Variants in ITGA9 observed in about 807,000 individuals in gnomAD.
ITGA9 encodes integrin alpha-9.
Under a neutral mutation model 127.8 loss-of-function variants are expected in ITGA9, and 56 were observed. The ratio of observed to expected loss-of-function variants is 0.44; its 90% CI spans 0.35 to 0.55. The LOEUF (loss-of-function observed/expected upper bound fraction) is 0.55, where lower values mean the gene tolerates loss of function less well. ITGA9 is among the 20% of genes least tolerant of loss of function. ITGA9 has a pLI of 0.00. For synonymous variants in ITGA9, 508 were observed against 514.5 expected (o/e 0.99, Z 0.17); for missense variants, 1,196 against 1,347.1 (o/e 0.89, Z 1.76).
chr3:37,531,880 A>G (rs9864488), intron 13 of ITGA9, among the ~76,000 whole-genome samples: 6,139 of 152,246 alleles, frequency 0.04, 397 homozygotes, highest in African/African-American at 0.14. Context: ...AGTGGGGGCC[A>G]GAGGTGTGTG....
chr3:37,802,443 A>G (rs1697246747), intron 26 of ITGA9, among the ~76,000 whole-genome samples: 3 of 152,160 alleles, frequency 2.0e-5, no homozygotes. Context: ...GACTTTCCCA[A>G]AGGGGAATGG....
At chr3:37,570,475 A>G (rs1575153599) in intron 15 of ITGA9, among the ~76,000 whole-genome samples, 1 of 152,220 alleles carries the variant, frequency 6.6e-6, no homozygotes. Flanking sequence ...TGTGTCTAGC[A>G]GGTGGCTTCC....
intron 23 of ITGA9, among the ~76,000 whole-genome samples, chr3:37,771,317 G>A (rs759418739): frequency 2.2e-4 from 33 of 152,236 alleles, no homozygotes; most frequent in South Asian, 1.0e-3. Context: ...TTAAAACCAA[G>A]TTGTGGGAGG....
rs1559524613 is a variant in ITGA9 at position 37,512,052 on chromosome 3, CTTT to C, written c.898-1710_898-1708del. ...TCTTTCTTTCTTTCTTTCTTTCTTT[CTTT>C]CTTTCTTTCTTTCTTTCTTTCCTTC... On this transcript the variant is annotated intron_variant, in intron 8 of 27. Coordinates refer to ENST00000264741, the MANE Select transcript of ITGA9 (RefSeq NM_002207.3). Among the ~76,000 whole-genome samples the C allele has an allele frequency of 9.5e-4, 40 of 42,162 alleles. 1 individual carries two copies. The highest frequency in any genetic ancestry group is 4.5e-3 in the East Asian group (6 of 1,336). 27.7% of individuals were successfully genotyped at this position (42,162 alleles called of 152,430 possible).
chr3:37,503,129 T>C (rs1698805133), intron 5 of ITGA9, 49 bp from the exon 6 acceptor site: 1 of 1,608,634 alleles, frequency 6.2e-7, no homozygotes. Flanking sequence ...ATTCCCCTCC[T>C]CCCCTCCTCA....
intron 18 of ITGA9, among the ~76,000 whole-genome samples, chr3:37,693,506 G>A (rs1352813925): frequency 6.6e-6 from 1 of 152,118 alleles, no homozygotes; most frequent in Non-Finnish European, 1.5e-5. Context: ...CAGAAAGGGT[G>A]GTCCCTTTCT....
intron 18 of ITGA9, among the ~76,000 whole-genome samples, chr3:37,700,349 A>G (rs1177392695): frequency 1.3e-5 from 2 of 151,270 alleles, no homozygotes; most frequent in Admixed American, 6.6e-5. Context: ...AGGTTTCTAC[A>G]TATAATATGC....
chr3:37,452,756 G>C lies in ITGA9; in HGVS notation c.185+197G>C, dbSNP rs1698209637. Reference sequence around the variant, plus strand: ...ACGCCGTCCGGGGCCCGCTAAGGTCGGGGTCGGCGCCTGGAGGCGGGCGGG... The same window carrying C: ...ACGCCGTCCGGGGCCCGCTAAGGTCCGGGTCGGCGCCTGGAGGCGGGCGGG... On this transcript the variant is annotated intron_variant, in intron 1 of 27. Coordinates refer to ENST00000264741, the MANE Select transcript of ITGA9 (RefSeq NM_002207.3). The surrounding 1 kb of genome is among the most constrained non-coding windows in gnomAD (Gnocchi z 7.3). Among the ~76,000 whole-genome samples, 2 of 152,226 alleles carry C rather than the reference G, an allele frequency of 1.3e-5. No homozygotes were observed. Among genetic ancestry groups the C allele is most frequent in the South Asian group, 4.1e-4 (2 of 4,828 alleles).
At chr3:37,701,279 A>G (rs1358044035) in intron 18 of ITGA9, among the ~76,000 whole-genome samples, 1 of 152,118 alleles carries the variant, frequency 6.6e-6, no homozygotes, top group East Asian at 1.9e-4. Flanking sequence ...CCCAAGTAAC[A>G]CTCATGTCTT....
rs114518682 is a variant in ITGA9 at position 37,570,141 on chromosome 3, C to T, written c.1689+27556C>T. Among the ~76,000 whole-genome samples the T allele has an allele frequency of 5.4e-3, 818 of 152,348 alleles. 7 individuals are homozygous for T. The highest frequency in any genetic ancestry group is 6.9e-3 in the Admixed American group (105 of 15,306). On this transcript the variant is annotated intron_variant, in intron 15 of 27. Coordinates refer to ENST00000264741, the MANE Select transcript of ITGA9 (RefSeq NM_002207.3). The stretch of plus-strand genomic sequence containing the variant: ...CCCTCAGAGCCCCGGCATTTCTGCC[C>T]GGGGTTTGGCCACCCCTGGCCTTGG...
intron 18 of ITGA9, among the ~76,000 whole-genome samples, chr3:37,695,007 G>A (rs1343107765): frequency 3.3e-5 from 5 of 152,198 alleles, no homozygotes; most frequent in African/African-American, 1.2e-4. Flanking sequence ...GGGCAGGACT[G>A]AAACTCAGGC....
chr3:37,778,006 ATAAG>A (rs1179831838), intron 24 of ITGA9, among the ~76,000 whole-genome samples: 9 of 152,254 alleles, frequency 5.9e-5, no homozygotes, highest in African/African-American at 1.9e-4. Context: ...CAATAGGAGA[ATAAG>A]TAAGCAATTG....
intron 27 of ITGA9, among the ~76,000 whole-genome samples, chr3:37,811,264 A>G (rs1697365278): frequency 6.6e-6 from 1 of 152,236 alleles, no homozygotes; most frequent in Non-Finnish European, 1.5e-5. Context: ...AGTCCAAATG[A>G]GTCCCCTCTC....
intron 27 of ITGA9, among the ~76,000 whole-genome samples, chr3:37,811,813 G>A (rs1697372143): frequency 6.6e-6 from 1 of 152,228 alleles, no homozygotes; most frequent in Non-Finnish European, 1.5e-5. Context: ...AAGTGGCAAA[G>A]AGACAGGCTG....
chr3:37,738,686 C>T (rs987167996), intron 20 of ITGA9, among the ~76,000 whole-genome samples: 6 of 152,334 alleles, frequency 3.9e-5, no homozygotes, highest in South Asian at 2.1e-4. Flanking sequence ...ACAGAACACT[C>T]GCCATTGTTG....
In ITGA9 at chr3:37,461,446, G is replaced by A. The variant is rs185777214; in HGVS notation, c.185+8887G>A. Among the ~76,000 whole-genome samples, 19 of 152,276 alleles carry A rather than the reference G, an allele frequency of 1.2e-4. No individual in the cohort carries two copies. In the East Asian group the frequency reaches 3.7e-3, roughly 29 times the overall value. On this transcript the variant is annotated intron_variant, in intron 1 of 27. Transcript: ENST00000264741. Reference sequence around the variant, plus strand: ...GGGGGCATTAAATGAGATGATATCTGCAAAGCCCAGAGCACAACACGGCAC... The same window carrying A: ...GGGGGCATTAAATGAGATGATATCTACAAAGCCCAGAGCACAACACGGCAC...
chr3:37,748,279 T>C, intron 22 of ITGA9: 1 of 516,848 alleles, frequency 1.9e-6, no homozygotes, highest in Non-Finnish European at 3.7e-6. Flanking sequence ...CCGCAAGTAT[T>C]ACCATGGCTA....
intron 15 of ITGA9, among the ~76,000 whole-genome samples, chr3:37,584,687 G>A (rs940298840): frequency 3.9e-5 from 6 of 152,000 alleles, no homozygotes; most frequent in African/African-American, 7.3e-5. Flanking sequence ...CTCGGGAGAC[G>A]GAGGTTGCAG....
At chr3:37,772,318 G>T (rs1463251188) in intron 23 of ITGA9, among the ~76,000 whole-genome samples, 1 of 152,002 alleles carries the variant, frequency 6.6e-6, no homozygotes, top group African/African-American at 2.4e-5. Context: ...TGAGGCAGGA[G>T]AATTACTTGA....
Sources: allele counts gnomAD v4.1 joint callset (sites outside exome capture counted in the v4.1 genomes callset), GRCh38; gene constraint gnomAD v4.1.1; non-coding constraint Gnocchi (gnomAD v3.1); transcripts MANE v1.5; gene names NCBI Gene and HGNC (gene_info 2026-07-23, HGNC 2026-07-21).